CSMD1: variants seen among roughly 807,000 people sequenced by gnomAD.
CSMD1 encodes the protein CUB and sushi domain-containing protein 1.
CSMD1 carries 213 observed loss-of-function variants against 417.5 expected under a neutral mutation model. That is an observed-to-expected ratio of 0.51 (90% CI 0.46 to 0.57). CSMD1 has a LOEUF of 0.57. Among genes scored for constraint, CSMD1 ranks in the 20% least tolerant of loss-of-function variants. CSMD1 has a pLI of 0.00. For missense variants in CSMD1, 6,923 were observed against 4,529.7 expected, an observed-to-expected ratio of 1.53 and a Z score of -15.17; for synonymous variants, 2,862 against 1,736.8, an observed-to-expected ratio of 1.65 and a Z score of -16.11.
At chr8:4,664,827 T>C (rs1036032408) in intron 1 of CSMD1, among the ~76,000 whole-genome samples, 16 of 152,198 alleles carry the variant, frequency 1.1e-4, no homozygotes, top group African/African-American at 2.4e-5. Context: ...CTTCTTTGTA[T>C]GCATTTCAAA....
intron 42 of CSMD1, among the ~76,000 whole-genome samples, chr8:3,111,652 G>A (rs967595701): frequency 1.3e-5 from 2 of 151,926 alleles, no homozygotes; most frequent in Non-Finnish European, 2.9e-5. Context: ...ACCAACATGG[G>A]GAAACCCTAA....
At chr8:4,238,249 C>G (rs530896632) in intron 3 of CSMD1, among the ~76,000 whole-genome samples, 1 of 152,238 alleles carries the variant, frequency 6.6e-6, no homozygotes, top group African/African-American at 2.4e-5. Context: ...TGTGCCAGAC[C>G]CTGTGATTCT....
In CSMD1 at chr8:4,100,742, C is replaced by T. The variant is rs1455933218; in HGVS notation, c.416-68643G>A. Among the ~76,000 whole-genome samples, 4 of 152,128 alleles carry T rather than the reference C, an allele frequency of 2.6e-5. No homozygotes were observed. In the East Asian group the frequency reaches 7.7e-4, roughly 29 times the overall value. ...ACTTCCACACTGCTGTTCTAGGGAG[C>T]TGCAGGGGACTACATAAATGAAGTC... On this transcript the variant is annotated intron_variant, in intron 3 of 69. Coordinates refer to ENST00000635120, the MANE Select transcript of CSMD1 (RefSeq NM_033225.6).
chr8:4,184,866 G>T (rs1027126013), intron 3 of CSMD1, among the ~76,000 whole-genome samples: 2 of 151,968 alleles, frequency 1.3e-5, no homozygotes, highest in Admixed American at 6.6e-5. Flanking sequence ...CGGAGGCCAA[G>T]GTGGGTGGAT....
intron 5 of CSMD1, among the ~76,000 whole-genome samples, chr8:3,872,770 A>G (rs1805561834): frequency 6.6e-6 from 1 of 151,834 alleles, no homozygotes; most frequent in African/African-American, 2.4e-5. Context: ...TTTGCAAACT[A>G]CCCATCCGAC....
intron 5 of CSMD1, among the ~76,000 whole-genome samples, chr8:3,978,293 C>T (rs34588379): frequency 6.6e-6 from 1 of 152,190 alleles, no homozygotes; most frequent in East Asian, 1.9e-4. Flanking sequence ...TGTAACCACA[C>T]AAACCCCACA....
intron 26 of CSMD1, among the ~76,000 whole-genome samples, chr8:3,273,762 T>TG (rs1802056627): frequency 1.3e-5 from 2 of 149,308 alleles, no homozygotes; most frequent in South Asian, 4.3e-4. Flanking sequence ...CGTATTTCTG[T>TG]GGGATTGGTG....
intron 3 of CSMD1, among the ~76,000 whole-genome samples, chr8:4,151,246 G>C (rs187332354): frequency 2.3e-3 from 347 of 152,172 alleles, no homozygotes; most frequent in African/African-American, 8.0e-3. Flanking sequence ...AGTTTACTTG[G>C]AAAGCTAAAA....
At chr8:3,687,061 C>A (rs1369615453) in intron 7 of CSMD1, among the ~76,000 whole-genome samples, 1 of 152,180 alleles carries the variant, frequency 6.6e-6, no homozygotes, top group African/African-American at 2.4e-5. Flanking sequence ...GAGGATGTGA[C>A]AGTATTGGAT....
chr8:4,748,444 G>A (rs917861120), intron 1 of CSMD1, among the ~76,000 whole-genome samples: 12 of 152,160 alleles, frequency 7.9e-5, no homozygotes, highest in African/African-American at 2.9e-4. Context: ...TCATATTTAT[G>A]ACCCAAGTAA....
At chr8:3,557,293 T>C (rs1563150880) in intron 10 of CSMD1, among the ~76,000 whole-genome samples, 1 of 152,232 alleles carries the variant, frequency 6.6e-6, no homozygotes, top group Non-Finnish European at 1.5e-5. Flanking sequence ...GCTGTACCTA[T>C]TTTTAACAAA....
intron 3 of CSMD1, among the ~76,000 whole-genome samples, chr8:4,321,249 G>A (rs1799257619): frequency 6.6e-6 from 1 of 152,126 alleles, no homozygotes; most frequent in Non-Finnish European, 1.5e-5. Context: ...GCTAGTCCCT[G>A]TGGCCCACTG....
At position 3,675,917 on chromosome 8, in the gene CSMD1, C is replaced by G. The variant is rs151231589; in HGVS notation, c.1009+32497G>C. ...GCTGAAGTTCTCTCTCAGCACTGTC[C>G]CATCATTGGAGAGTAATGTACCTGA... On this transcript the variant is annotated intron_variant, in intron 7 of 69. Transcript: ENST00000635120. 2.9e-3 allele frequency among the ~76,000 whole-genome samples: 436 copies of G among 152,242 alleles called. 3 individuals carry two copies. The highest frequency in any genetic ancestry group is 0.01 in the African/African-American group (418 of 41,548).
intron 5 of CSMD1, among the ~76,000 whole-genome samples, chr8:3,812,818 G>A (rs542446428): frequency 3.9e-5 from 6 of 152,258 alleles, no homozygotes; most frequent in African/African-American, 1.4e-4. Flanking sequence ...CTTTGAGGTT[G>A]CTAGGAGTTT....
At chr8:4,158,809 T>A (rs528468496) in intron 3 of CSMD1, among the ~76,000 whole-genome samples, 1 of 152,214 alleles carries the variant, frequency 6.6e-6, no homozygotes, top group South Asian at 2.1e-4. Context: ...AAGTTTATCA[T>A]ATGGGATGAT....
intron 26 of CSMD1, among the ~76,000 whole-genome samples, chr8:3,280,271 A>C (rs895873032): frequency 1.3e-5 from 2 of 152,250 alleles, no homozygotes; most frequent in East Asian, 3.8e-4. Context: ...GAATTATGGA[A>C]GACAGAAATG....
chr8:4,528,605 A>G (rs1476051143), intron 2 of CSMD1, among the ~76,000 whole-genome samples: 1 of 152,240 alleles, frequency 6.6e-6, no homozygotes, highest in African/African-American at 2.4e-5. Flanking sequence ...AACATAAAGC[A>G]AAAGGAAATT....
At chr8:4,152,469 G>C (rs113335732) in intron 3 of CSMD1, among the ~76,000 whole-genome samples, 352 of 151,106 alleles carry the variant, frequency 2.3e-3, no homozygotes, top group African/African-American at 8.2e-3. Flanking sequence ...GAGCCCAGCA[G>C]TTTGGGCCAA....
At chr8:4,179,712 G>A (rs2131170186) in intron 3 of CSMD1, among the ~76,000 whole-genome samples, 1 of 149,958 alleles carries the variant, frequency 6.7e-6, no homozygotes, top group Non-Finnish European at 1.5e-5. Flanking sequence ...AATCTACAAT[G>A]AACTCCAACA....
Sources: allele counts gnomAD v4.1 joint callset (sites outside exome capture counted in the v4.1 genomes callset), GRCh38; gene constraint gnomAD v4.1.1; transcripts MANE v1.5; gene names NCBI Gene and HGNC (gene_info 2026-07-23, HGNC 2026-07-21).